UBE2D3: variants seen among roughly 807,000 people sequenced by gnomAD.
UBE2D3 encodes ubiquitin conjugating enzyme E2 D3.
A neutral mutation model predicts 22.8 loss-of-function variants in UBE2D3; 2 were observed. The observed-to-expected ratio is 0.09, with a 90% CI of 0.04 to 0.28. UBE2D3 has a LOEUF of 0.28. Ranked by LOEUF, UBE2D3 falls within the 10% of genes least tolerant of loss-of-function variation. The probability of loss-of-function intolerance (pLI) is 1.00; values close to 1 mark genes in which losing one functional copy is unlikely to be tolerated. For synonymous variants in UBE2D3, 56 were observed against 60.4 expected (o/e 0.93, Z 0.34); for missense variants, 27 against 182.5 (o/e 0.15, Z 4.91).
At chr4:102,821,145 A>ATGG (rs1729543640) in intron 2 of UBE2D3, among the ~76,000 whole-genome samples, 1 of 152,168 alleles carries the variant, frequency 6.6e-6, no homozygotes, top group Admixed American at 6.5e-5. Flanking sequence ...TAACACTGCT[A>ATGG]TGGTAGCAAG....
In UBE2D3 at chr4:102,801,675, A is replaced by G; in HGVS notation, c.199-116T>C. On this transcript the variant is annotated intron_variant, in intron 5 of 7. Coordinates refer to ENST00000453744, the MANE Select transcript of UBE2D3 (RefSeq NM_181891.3). Reference sequence around the variant, plus strand: ...TGTCATCTATTAGCATAGAAGTTCTAAATATTATAGAAACTGATTTTTACA... The same window carrying G: ...TGTCATCTATTAGCATAGAAGTTCTGAATATTATAGAAACTGATTTTTACA... 3.6e-6 allele frequency: 3 copies of G among 834,118 alleles called. No individual in the cohort carries two copies. In the South Asian group the frequency reaches 6.1e-5, roughly 17 times the overall value. 51.7% of individuals were successfully genotyped at this position (834,118 alleles called of 1,614,324 possible). A position where few individuals can be genotyped will look rare whatever the true frequency, so the allele number is the denominator to read the frequency against.
chr4:102,821,763 C>T (rs1459886236), intron 2 of UBE2D3, among the ~76,000 whole-genome samples: 1 of 152,226 alleles, frequency 6.6e-6, no homozygotes, highest in East Asian at 1.9e-4. Flanking sequence ...TCATGCAACC[C>T]ATAAATATAT....
chr4:102,826,548 A>C lies in UBE2D3; in HGVS notation c.-40T>G. On this transcript the variant is annotated 5_prime_UTR_variant, in exon 2 of 8. Coordinates refer to ENST00000453744, the MANE Select transcript of UBE2D3 (RefSeq NM_181891.3). ...GTCTGGCTCCTCACTCTCTCGGTGTATGCTCAAAGGTCCGGCCAAAACTCT... is the reference window on the plus strand; with the variant it reads ...GTCTGGCTCCTCACTCTCTCGGTGTCTGCTCAAAGGTCCGGCCAAAACTCT... The C allele has an allele frequency of 6.2e-7, 1 of 1,611,414 alleles. No homozygotes were observed. Among genetic ancestry groups the C allele is most frequent in the Non-Finnish European group, 8.5e-7 (1 of 1,179,814 alleles).
intron 4 of UBE2D3, 50 bp from the exon 5 acceptor site, chr4:102,802,688 A>T: frequency 7.1e-7 from 1 of 1,413,328 alleles, no homozygotes; most frequent in Non-Finnish European, 9.8e-7. Context: ...TTATTGCTAA[A>T]TATTCCGTAA....
chr4:102,828,534 CAG>C (rs1212189658), upstream of UBE2D3, among the ~76,000 whole-genome samples: 6 of 152,262 alleles, frequency 3.9e-5, no homozygotes, highest in African/African-American at 1.2e-4. Context: ...GGGGCTAGGA[CAG>C]AGAGAGTTAG....
intron 2 of UBE2D3, among the ~76,000 whole-genome samples, chr4:102,826,072 G>A (rs1730425027): frequency 6.6e-6 from 1 of 151,978 alleles, no homozygotes; most frequent in African/African-American, 2.4e-5. Flanking sequence ...CCCCTAGAAG[G>A]CCTAGATAAC....
intron 1 of UBE2D3, among the ~76,000 whole-genome samples, chr4:102,867,887 T>C (rs1733225133): frequency 6.6e-6 from 1 of 152,020 alleles, no homozygotes; most frequent in Non-Finnish European, 1.5e-5. Context: ...CTGTAAACTT[T>C]CTTAAAACTT....
At chr4:102,810,688 C>G (rs561464111) in intron 2 of UBE2D3, 1 of 152,114 alleles carries the variant, frequency 6.6e-6, no homozygotes, top group Non-Finnish European at 1.5e-5. Flanking sequence ...ATAGTCTGCA[C>G]AATTCAATAT....
intron 1 of UBE2D3, 125 bp from the exon 2 acceptor site, chr4:102,826,761 T>TA: frequency 7.5e-7 from 1 of 1,338,754 alleles, no homozygotes. Context: ...ACCAACAGCC[T>TA]CTGTACCGTG....
intron 2 of UBE2D3, 151 bp downstream of exon 2, chr4:102,826,334 A>G (rs1288596191): frequency 2.9e-6 from 3 of 1,019,250 alleles, no homozygotes; most frequent in Non-Finnish European, 4.4e-6. Flanking sequence ...TCATTTCTTC[A>G]AGAAGTATAT....
At chr4:102,859,101 T>C (rs574250065) in intron 1 of UBE2D3, among the ~76,000 whole-genome samples, 3 of 152,086 alleles carry the variant, frequency 2.0e-5, no homozygotes, top group Non-Finnish European at 1.5e-5. Context: ...GCAGGTCTAG[T>C]GGTGATGAAC....
chr4:102,817,502 C>A (rs1225839293), intron 2 of UBE2D3, among the ~76,000 whole-genome samples: 1 of 152,042 alleles, frequency 6.6e-6, no homozygotes, highest in Non-Finnish European at 1.5e-5. Flanking sequence ...GATAGGTGAA[C>A]TAAGTGTACC....
chr4:102,866,740 CTTGCCCT>C (rs1733161992), intron 1 of UBE2D3, among the ~76,000 whole-genome samples: 1 of 152,116 alleles, frequency 6.6e-6, no homozygotes, highest in Non-Finnish European at 1.5e-5. Context: ...CACAGCACGT[CTTGCCCT>C]TGTCAAGATG....
chr4:102,853,368 C>A (rs370719022), intron 1 of UBE2D3, among the ~76,000 whole-genome samples: 1 of 151,222 alleles, frequency 6.6e-6, no homozygotes, highest in Admixed American at 6.6e-5. Context: ...ACATGTGAGA[C>A]AAAATTATGT....
chr4:102,797,304 A>C lies in UBE2D3; in HGVS notation c.*111T>G, dbSNP rs1451050623. ...AGGGAGGTAAACAAAAAATAAAATT[A>C]AAAAAGATGAGGTCTGATAGGGGAG... On this transcript the variant is annotated 3_prime_UTR_variant, in exon 8 of 8. Transcript: ENST00000453744. 1.1e-6 allele frequency: 1 copy of C among 894,548 alleles called. No homozygotes were observed. The highest frequency in any genetic ancestry group is 1.7e-6 in the Non-Finnish European group (1 of 591,362). The allele number at this position is 894,548 out of a possible 1,614,324, so 55.4% of individuals were successfully genotyped here. A position where few individuals can be genotyped will look rare whatever the true frequency, so the allele number is the denominator to read the frequency against.
At chr4:102,813,790 A>G (rs564093918) in intron 2 of UBE2D3, among the ~76,000 whole-genome samples, 4 of 152,342 alleles carry the variant, frequency 2.6e-5, no homozygotes, top group South Asian at 4.1e-4. Flanking sequence ...TTGTCACAAT[A>G]AACAACACTG....
intron 7 of UBE2D3, chr4:102,798,842 TTAGTTAATACAG>T (rs1725658685): frequency 8.0e-7 from 1 of 1,245,292 alleles, no homozygotes; most frequent in Admixed American, 1.9e-5. Flanking sequence ...TTACCTTTTG[TTAGTTAATACAG>T]TGCCTTAACG....
At chr4:102,806,628 T>C (rs1727089213) in intron 4 of UBE2D3, among the ~76,000 whole-genome samples, 1 of 152,216 alleles carries the variant, frequency 6.6e-6, no homozygotes, top group Non-Finnish European at 1.5e-5. Context: ...ATTTTTCAGA[T>C]ACTTTCACAT....
intron 2 of UBE2D3, among the ~76,000 whole-genome samples, chr4:102,816,284 G>C (rs1051903794): frequency 3.9e-5 from 6 of 152,162 alleles, no homozygotes; most frequent in African/African-American, 7.2e-5. Context: ...CAACCTAAGA[G>C]TTTCCAAATC....
Sources: gnomAD v4.1 joint callset for allele counts (sites outside exome capture counted in the v4.1 genomes callset) on GRCh38, gnomAD v4.1.1 for gene constraint, MANE v1.5 for transcripts, NCBI Gene and HGNC (gene_info 2026-07-23, HGNC 2026-07-21) for gene names.